BRI3BP: variants seen among roughly 807,000 people sequenced by gnomAD.
BRI3BP encodes the protein BRI3 binding protein, also known as BRI3-binding protein.
A neutral mutation model predicts 15.8 loss-of-function variants in BRI3BP; 7 were observed. The observed-to-expected ratio is 0.44, with a 90% CI of 0.25 to 0.83. The LOEUF (loss-of-function observed/expected upper bound fraction) is 0.83, where lower values mean the gene tolerates loss of function less well. Ranked by LOEUF, BRI3BP falls within the 40% of genes least tolerant of loss-of-function variation. The probability of loss-of-function intolerance (pLI) is 0.20; values close to 1 mark genes in which losing one functional copy is unlikely to be tolerated. For synonymous variants in BRI3BP, 192 were observed against 163.5 expected, an observed-to-expected ratio of 1.17 and a Z score of -1.33; for missense variants, 320 against 339.3, an observed-to-expected ratio of 0.94 and a Z score of 0.45.
At chr12:125,040,818 C>T in the BRI3BP span, among the ~76,000 whole-genome samples, 1 of 151,052 alleles carries the variant, frequency 6.6e-6, no homozygotes. Flanking sequence ...GCAACTTCTG[C>T]CTCCCAGATT....
At chr12:125,008,396 T>C (rs922837524) in intron 1 of BRI3BP, among the ~76,000 whole-genome samples, 3 of 143,206 alleles carry the variant, frequency 2.1e-5, no homozygotes, top group Admixed American at 1.5e-4. Flanking sequence ...CACTGCAAGC[T>C]CCGCCTCCCG....
At chr12:124,998,895 A>G (rs1373642042) in intron 1 of BRI3BP, among the ~76,000 whole-genome samples, 2 of 152,166 alleles carry the variant, frequency 1.3e-5, no homozygotes, top group East Asian at 3.9e-4. Context: ...TGGGCAACAT[A>G]GTGAGACCCC....
chr12:124,993,969 T>C lies in BRI3BP; in HGVS notation c.179T>C (p.Leu60Pro). The C allele has an allele frequency of 7.3e-7, 1 of 1,362,672 alleles. No individual in the cohort carries two copies. The highest frequency in any genetic ancestry group is 9.6e-7 in the Non-Finnish European group (1 of 1,042,664). 84.4% of individuals were successfully genotyped at this position (1,362,672 alleles called of 1,614,324 possible). Residue 60 changes from leucine to proline, a missense_variant, in exon 1 of 3, where the codon CTG becomes CCG. Leu to Pro is a moderately conservative substitution (Grantham distance 98, BLOSUM62 -3). Transcript: ENST00000341446. ...VNTFSQSVSS[L>P]FGEDNVRAAQ... The stretch of plus-strand genomic sequence containing the variant: ...ACCTTCTCCCAGAGCGTCAGCAGCC[T>C]GTTCGGCGAGGACAACGTGCGCGCC...
At chr12:125,018,690 C>A (rs373713695) in intron 2 of BRI3BP, among the ~76,000 whole-genome samples, 2 of 66,664 alleles carry the variant, frequency 3.0e-5, no homozygotes, top group East Asian at 4.4e-4. Context: ...TTTTTTTTTT[C>A]TTTTCTTGAG....
the BRI3BP span, among the ~76,000 whole-genome samples, chr12:125,037,155 G>C: frequency 2.0e-4 from 31 of 152,324 alleles, 2 homozygotes; most frequent in Admixed American, 1.6e-3. Context: ...TGCCTCCTGG[G>C]TTCAAATGAT....
rs1955099868 is a variant in BRI3BP, at chr12:125,002,320, T to C, written c.213+8317T>C. On this transcript the variant is annotated intron_variant, in intron 1 of 2. Transcript: ENST00000341446. ...AGGCAGATGTACCGTTTTACCTGCC[T>C]ACCAGCATGTGGGGCCTGGTTTCCC... is the stretch of plus-strand genomic sequence containing the variant. Among the ~76,000 whole-genome samples, 3 of 148,548 alleles carry C rather than the reference T, an allele frequency of 2.0e-5. No individual in the cohort carries two copies. In the South Asian group the frequency reaches 6.3e-4, roughly 31 times the overall value.
chr12:124,997,276 C>T (rs1373229552), intron 1 of BRI3BP, among the ~76,000 whole-genome samples: 1 of 121,292 alleles, frequency 8.2e-6, no homozygotes, highest in African/African-American at 3.3e-5. Context: ...AGTGCAATGG[C>T]GAGCTCTCGG....
At position 125,022,541 on chromosome 12, in the gene BRI3BP, A is replaced by ATTTATTTATTTATTT; in HGVS notation, c.317-2447_317-2446insATTTATTTATTTTTT. Reference sequence around the variant, plus strand: ...TTATTATTTATTTATTTATTTATTTATTTTTTGAGACAGAGCCTCACTGTG... The same window carrying ATTTATTTATTTATTT: ...TTATTATTTATTTATTTATTTATTTATTTATTTATTTATTTTTTTTTGAGACAGAGCCTCACTGTG... On this transcript the variant is annotated intron_variant, in intron 2 of 2. Transcript: ENST00000341446. Among the ~76,000 whole-genome samples the ATTTATTTATTTATTT allele has an allele frequency of 1.4e-3, 194 of 139,430 alleles. 1 individual carries two copies. The highest frequency in any genetic ancestry group is 4.0e-3 in the African/African-American group (138 of 34,528). 91.5% of individuals were successfully genotyped at this position (139,430 alleles called of 152,430 possible). A position where few individuals can be genotyped will look rare whatever the true frequency, so the allele number is the denominator to read the frequency against.
chr12:125,008,235 C>T (rs1293381975), intron 1 of BRI3BP, among the ~76,000 whole-genome samples: 1 of 151,260 alleles, frequency 6.6e-6, no homozygotes, highest in Non-Finnish European at 1.5e-5. Flanking sequence ...CTTCTGCAGG[C>T]CCTCCTCCCA....
At chr12:125,036,594 T>C in the BRI3BP span, among the ~76,000 whole-genome samples, 1 of 152,318 alleles carries the variant, frequency 6.6e-6, no homozygotes, top group South Asian at 2.1e-4. Flanking sequence ...CAGGGCACTA[T>C]TGGGAGATTT....
chr12:125,015,903 G>A (rs1955238501), intron 2 of BRI3BP, among the ~76,000 whole-genome samples: 1 of 152,188 alleles, frequency 6.6e-6, no homozygotes, highest in African/African-American at 2.4e-5. Flanking sequence ...GCCACCGCGT[G>A]CAATCCTCTT....
chr12:125,038,568 C>T, the BRI3BP span, among the ~76,000 whole-genome samples: 1 of 151,488 alleles, frequency 6.6e-6, no homozygotes, highest in Non-Finnish European at 1.5e-5. Flanking sequence ...GAGTTCAAGA[C>T]CAGCTTGAGC....
chr12:125,021,601 G>T (rs1783319279), intron 2 of BRI3BP, among the ~76,000 whole-genome samples: 1 of 152,178 alleles, frequency 6.6e-6, no homozygotes, highest in Non-Finnish European at 1.5e-5. Flanking sequence ...AAATAAAAGA[G>T]ATTTAATTGA....
chr12:124,999,372 C>T (rs981064625), intron 1 of BRI3BP, among the ~76,000 whole-genome samples: 1 of 152,116 alleles, frequency 6.6e-6, no homozygotes, highest in East Asian at 1.9e-4. Flanking sequence ...TATAGATCTG[C>T]TCCCTATTGT....
At position 125,030,576 on chromosome 12, in the gene BRI3BP, A is replaced by G. The variant is rs1339538267; in HGVS notation, c.*5146A>G. On this transcript the variant is annotated 3_prime_UTR_variant, in exon 3 of 3. Transcript: ENST00000341446. ...AGTTTTTCTCTTGTGGTGGCTTAAA[A>G]CGCTGATTGCCATTTGCATTGTCTA... The G allele has an allele frequency of 3.3e-5, 5 of 152,144 alleles. No individual in the cohort carries two copies. Among genetic ancestry groups the G allele is most frequent in the South Asian group, 4.1e-4 (2 of 4,824 alleles). 9.4% of individuals were successfully genotyped at this position (152,144 alleles called of 1,614,324 possible).
chr12:124,995,152 A>G lies in BRI3BP; in HGVS notation c.213+1149A>G, dbSNP rs112011252. ...AGGTTAATTTGTTAGGAAAACAGTA[A>G]GTTTTGACCTCCCTCTCCTGTGGGC... On this transcript the variant is annotated intron_variant, in intron 1 of 2. Coordinates refer to ENST00000341446, the MANE Select transcript of BRI3BP (RefSeq NM_080626.6). Among the ~76,000 whole-genome samples, 109 of 152,296 alleles carry G rather than the reference A, an allele frequency of 7.2e-4. 1 individual carries two copies. The highest frequency in any genetic ancestry group is 2.4e-3 in the African/African-American group (100 of 41,554).
At chr12:125,007,742 A>G (rs1955157827) in intron 1 of BRI3BP, among the ~76,000 whole-genome samples, 2 of 151,674 alleles carry the variant, frequency 1.3e-5, no homozygotes. Context: ...AAGAGCGTAC[A>G]TTCTGTAATC....
intron 1 of BRI3BP, among the ~76,000 whole-genome samples, chr12:125,002,615 C>T (rs564060402): frequency 1.1e-4 from 16 of 152,210 alleles, no homozygotes; most frequent in Admixed American, 3.3e-4. Context: ...CGCCACCACG[C>T]CCAGCTAATT....
At position 125,002,908 on chromosome 12, in the gene BRI3BP, CTGTT is replaced by C. The variant is rs759128569; in HGVS notation, c.213+8909_213+8912del. 3.9e-5 allele frequency among the ~76,000 whole-genome samples: 6 copies of C among 152,298 alleles called. No individual in the cohort carries two copies. In the East Asian group the frequency reaches 9.7e-4, roughly 25 times the overall value. On this transcript the variant is annotated intron_variant, in intron 1 of 2. Coordinates refer to ENST00000341446, the MANE Select transcript of BRI3BP (RefSeq NM_080626.6). ...AGTACCATATCGGGGCTCGTGGTGT[CTGTT>C]TGTGCCATCGCATTCTCGTTGGTTG... is the stretch of plus-strand genomic sequence containing the variant.
Sources: gnomAD v4.1 joint callset for allele counts (sites outside exome capture counted in the v4.1 genomes callset) on GRCh38, gnomAD v4.1.1 for gene constraint, MANE v1.5 for transcripts, NCBI Gene and HGNC (gene_info 2026-07-23, HGNC 2026-07-21) for gene names.